The following ATP8B3 variants were observed in gnomAD, a reference collection of about 807,000 sequenced individuals.
ATP8B3 encodes ATPase phospholipid transporting 8B3.
In ATP8B3, 141 loss-of-function variants were observed where a neutral mutation model predicts 140.9. That is an observed-to-expected ratio of 1.00 (90% CI 0.87 to 1.15). The LOEUF is 1.15. Among genes scored for constraint, ATP8B3 ranks in the 50% most tolerant of loss-of-function variants. ATP8B3 has a pLI of 0.00. For synonymous variants in ATP8B3, 765 were observed against 714.6 expected (o/e 1.07, Z -1.13); for missense variants, 1,874 against 1,740.6 (o/e 1.08, Z -1.36).
intron 24 of ATP8B3, 109 bp downstream of exon 24, chr19:1,788,788 C>A: frequency 9.1e-7 from 1 of 1,094,522 alleles, no homozygotes; most frequent in Non-Finnish European, 1.3e-6. Flanking sequence ...CCCTGTCCAC[C>A]GAGGATCCCA....
intron 20 of ATP8B3, 86 bp downstream of exon 20, chr19:1,791,664 A>T: frequency 9.5e-7 from 1 of 1,053,016 alleles, no homozygotes; most frequent in Non-Finnish European, 1.4e-6. Flanking sequence ...AAGTGCTGGG[A>T]TGACAGGTGT....
chr19:1,785,064 CTT>C, intron 27 of ATP8B3, 93 bp downstream of exon 27: 1 of 1,484,130 alleles, frequency 6.7e-7, no homozygotes, highest in Non-Finnish European at 9.0e-7. Context: ...CCCCAGGACA[CTT>C]TGCCGGACGA....
rs772754370 is a variant in ATP8B3 at position 1,795,914 on chromosome 19, C to T, written c.2016G>A (p.Arg672=). 1.7e-5 allele frequency: 27 copies of T among 1,613,012 alleles called. No individual in the cohort carries two copies. The highest frequency in any genetic ancestry group is 2.7e-5 in the African/African-American group (2 of 74,850). ...ADTVIFERLH[R]RGAMEFATEE... ...CTGTGGCAAATTCCATTGCCCCCCT[C>T]CTGTGCAAGCGTTCGAAGATGACCG... Residue 672 remains arginine (R), a synonymous_variant, in exon 18 of 29, where the codon AGG becomes AGA. Transcript: ENST00000310127.
chr19:1,787,255 C>T (rs1209779446), intron 24 of ATP8B3, 69 bp from the exon 25 acceptor site: 1 of 1,374,342 alleles, frequency 7.3e-7, no homozygotes, highest in Non-Finnish European at 1.0e-6. Flanking sequence ...GCCAAGCAGG[C>T]ACCCAGGGAG....
chr19:1,807,599 C>T lies in ATP8B3; in HGVS notation c.517-333G>A, dbSNP rs1245335202. Among the ~76,000 whole-genome samples the T allele has an allele frequency of 6.6e-6, 1 of 152,212 alleles. No homozygotes were observed. The highest frequency in any genetic ancestry group is 2.4e-5 in the African/African-American group (1 of 41,468). On this transcript the variant is annotated intron_variant, in intron 5 of 28. Transcript: ENST00000310127. The surrounding 1 kb of genome is among the most constrained non-coding windows in gnomAD (Gnocchi z 5.9). ...CCCCTCCCTCCCATGTCCCTGCTTC[C>T]CCAGGTCACCCTGCAGGTGTGAGCT...
chr19:1,786,728 C>T (rs1279533607), intron 25 of ATP8B3, among the ~76,000 whole-genome samples: 1 of 152,160 alleles, frequency 6.6e-6, no homozygotes, highest in African/African-American at 2.4e-5. Flanking sequence ...CTGGAACGTT[C>T]CATGTGACCC....
In ATP8B3 at chr19:1,807,557, C is replaced by T. The variant is rs1285947602; in HGVS notation, c.517-291G>A. Among the ~76,000 whole-genome samples, 5 of 152,170 alleles carry T rather than the reference C, an allele frequency of 3.3e-5. No individual in the cohort carries two copies. The highest frequency in any genetic ancestry group is 1.2e-4 in the African/African-American group (5 of 41,440). On this transcript the variant is annotated intron_variant, in intron 5 of 28. Transcript: ENST00000310127. The surrounding 1 kb of genome is among the most constrained non-coding windows in gnomAD (Gnocchi z 5.9). ...CCAGGGAGCCTCCCCCAGCCCCAAG[C>T]TTGGCCGCCACTGCTCCCCCTCCCT...
Position 1,809,712 on chromosome 19 carries a change from G to A in ATP8B3, c.333C>T (p.Ala111=). 1.2e-6 allele frequency: 2 copies of A among 1,610,336 alleles called. No homozygotes were observed. Among genetic ancestry groups the A allele is most frequent in the African/African-American group, 1.3e-5 (1 of 75,000 alleles). ...RNSAFTWKVQ[A]NNRAYNGQFK... is the part of the protein sequence containing the mutation. Reference sequence around the variant, plus strand: ...ACTGCCCGTTGTAGGCACGGTTGTTGGCCTGGACCTTCCAGGTGAATGCTG... The same window carrying A: ...ACTGCCCGTTGTAGGCACGGTTGTTAGCCTGGACCTTCCAGGTGAATGCTG... Residue 111 remains alanine, a synonymous_variant, in exon 4 of 29, where the codon GCC becomes GCT. Coordinates refer to ENST00000310127, the MANE Select transcript of ATP8B3 (RefSeq NM_138813.4).
At chr19:1,792,786 A>G (rs1212956367) in intron 18 of ATP8B3, among the ~76,000 whole-genome samples, 1 of 150,170 alleles carries the variant, frequency 6.7e-6, no homozygotes, top group African/African-American at 2.5e-5. Flanking sequence ...GTGGTGGCGC[A>G]TGCCTGGAAT....
intron 25 of ATP8B3, among the ~76,000 whole-genome samples, chr19:1,785,960 C>G (rs977935393): frequency 1.3e-5 from 2 of 151,050 alleles, no homozygotes; most frequent in African/African-American, 4.9e-5. Context: ...GTGAAACCCC[C>G]CATCTCCAAA....
At chr19:1,796,672 G>T (rs1283803663) in intron 16 of ATP8B3, 39 bp downstream of exon 16, 1 of 1,592,400 alleles carries the variant, frequency 6.3e-7, no homozygotes, top group Non-Finnish European at 8.5e-7. Context: ...TGCCCCGGGG[G>T]CTGAGCGGCC....
At chr19:1,797,070 C>G in intron 14 of ATP8B3, 65 bp from the exon 15 acceptor site, 2 of 1,607,834 alleles carry the variant, frequency 1.2e-6, no homozygotes, top group Non-Finnish European at 1.7e-6. Context: ...CCCATAGCCC[C>G]TGACCCCTAG....
intron 23 of ATP8B3, 63 bp from the exon 24 acceptor site, chr19:1,789,183 C>T (rs1314651518): frequency 2.8e-6 from 3 of 1,067,962 alleles, no homozygotes; most frequent in Admixed American, 4.7e-5. Context: ...CCCCCCCAGA[C>T]CCCCGCACTG....
chr19:1,794,154 A>G lies in ATP8B3; in HGVS notation c.2055+1721T>C, dbSNP rs186868380. On this transcript the variant is annotated intron_variant, in intron 18 of 28. Coordinates refer to ENST00000310127, the MANE Select transcript of ATP8B3 (RefSeq NM_138813.4). This position sits in a 1 kb window ranked among gnomAD's most constrained non-coding sequence, Gnocchi z 4.8. ...GCGATCCTCCTGCCTCAGGCTCCCAAAGTGCTGGGACCACAGGCACGCGCC... is the reference window on the plus strand; with the variant it reads ...GCGATCCTCCTGCCTCAGGCTCCCAGAGTGCTGGGACCACAGGCACGCGCC... Among the ~76,000 whole-genome samples the G allele has an allele frequency of 9.8e-5, 15 of 152,296 alleles. No individual in the cohort carries two copies. The highest frequency in any genetic ancestry group is 1.9e-4 in the Non-Finnish European group (13 of 68,014).
chr19:1,809,801 G>A (rs1041924695), intron 3 of ATP8B3, 67 bp from the exon 4 acceptor site: 26 of 1,438,842 alleles, frequency 1.8e-5, no homozygotes, highest in South Asian at 7.3e-5. Flanking sequence ...ATGACCGCCC[G>A]GAGGAGGGCT....
chr19:1,805,574 GC>G lies in ATP8B3; in HGVS notation c.822-119del. The G allele has an allele frequency of 1.1e-6, 1 of 935,554 alleles. No homozygotes were observed. The highest frequency in any genetic ancestry group is 1.7e-6 in the Non-Finnish European group (1 of 595,938). The allele number at this position is 935,554 out of a possible 1,614,324, so 58.0% of individuals were successfully genotyped here. On this transcript the variant is annotated intron_variant, in intron 9 of 28. Coordinates refer to ENST00000310127, the MANE Select transcript of ATP8B3 (RefSeq NM_138813.4). This position sits in a 1 kb window ranked among gnomAD's most constrained non-coding sequence, Gnocchi z 5.2. Reference sequence around the variant, plus strand: ...CTGAGCACCTACTAGTTCGCCAGCTGCCAGTCAGATGGCTGAGGCCCAGAGA... The same window carrying G: ...CTGAGCACCTACTAGTTCGCCAGCTGCAGTCAGATGGCTGAGGCCCAGAGA...
rs764103970 is a variant in ATP8B3 at position 1,789,567 on chromosome 19, G to C, written c.2639C>G (p.Pro880Arg). The C allele has an allele frequency of 4.0e-5, 63 of 1,594,032 alleles. No individual in the cohort carries two copies. The African/African-American group carries it at 8.3e-4, about 21-fold the overall frequency. The change falls in exon 23 of 29, where the codon CCG becomes CGG. Residue 880 changes from proline to arginine, a missense_variant. Around this residue, in one of 3 missense-constraint regions of ATP8B3, gnomAD observed 840 missense variants for 760.9 expected, o/e 1.10. Coordinates refer to ENST00000310127, the MANE Select transcript of ATP8B3 (RefSeq NM_138813.4). ...GCGGGCTCTGGAGTCCTGGGCTGGC[G>C]GTGCAGCCAGCGGGAGCCCGAACCT... is the stretch of plus-strand genomic sequence containing the variant. ...CRRFGLPLAA[P>R]PAQDSRARRS... is the part of the protein sequence containing the mutation.
In ATP8B3 at chr19:1,792,145, G is replaced by A. The variant is rs1189807517; in HGVS notation, c.2056-10C>T. On this transcript the variant is annotated splice_polypyrimidine_tract_variant and intron_variant, in intron 18 of 28. Coordinates refer to ENST00000310127, the MANE Select transcript of ATP8B3 (RefSeq NM_138813.4). ...TCTCCTGGGCAAAGGCCTGGGGGCC[G>A]GGCAGGTGGAAGCTGTCACCATGCT... 35 of 1,565,188 alleles carry A rather than the reference G, an allele frequency of 2.2e-5. No individual in the cohort carries two copies. Among genetic ancestry groups the A allele is most frequent in the Admixed American group, 5.4e-5 (3 of 55,222 alleles).
rs555631685 is a variant in ATP8B3 at position 1,791,444 on chromosome 19, A to G, written c.2302+306T>C. 4.8e-4 allele frequency among the ~76,000 whole-genome samples: 73 copies of G among 150,820 alleles called. No individual in the cohort carries two copies. In the East Asian group the frequency reaches 0.012, roughly 24 times the overall value. On this transcript the variant is annotated intron_variant, in intron 20 of 28. Coordinates refer to ENST00000310127, the MANE Select transcript of ATP8B3 (RefSeq NM_138813.4). ...GCTCTGTCGCCCAGGCTGGAGTGCA[A>G]TGGTGCGATCTTGGCTCACTGCAAC... is the stretch of plus-strand genomic sequence containing the variant.
Sources: allele counts gnomAD v4.1 joint callset (sites outside exome capture counted in the v4.1 genomes callset), GRCh38; gene constraint gnomAD v4.1.1; regional missense constraint gnomAD v4.1.1; non-coding constraint Gnocchi (gnomAD v3.1); transcripts MANE v1.5; gene names NCBI Gene and HGNC (gene_info 2026-07-23, HGNC 2026-07-21).